The following ADCY2 variants were observed in gnomAD, a reference collection of about 807,000 sequenced individuals.
ADCY2 encodes adenylate cyclase 2, also known as adenylate cyclase type 2.
ADCY2 carries 31 observed loss-of-function variants against 125.2 expected under a neutral mutation model. The observed-to-expected ratio is 0.25, with a 90% confidence interval of 0.19 to 0.33. ADCY2 has a LOEUF of 0.33. Ranked by LOEUF, ADCY2 falls within the 10% of genes least tolerant of loss-of-function variation. The pLI is 1.00. For synonymous variants in ADCY2, 512 were observed against 548.4 expected (o/e 0.93, Z 0.93); for missense variants, 904 against 1,418.2 (o/e 0.64, Z 5.82).
chr5:7,479,118 A>G (rs1051575372), intron 2 of ADCY2, among the ~76,000 whole-genome samples: 4 of 152,148 alleles, frequency 2.6e-5, no homozygotes, highest in African/African-American at 9.7e-5. Context: ...AGATTATTAT[A>G]TACTTGATTC....
intron 2 of ADCY2, among the ~76,000 whole-genome samples, chr5:7,440,707 A>G (rs1176656492): frequency 1.3e-5 from 2 of 152,194 alleles, no homozygotes; most frequent in Non-Finnish European, 2.9e-5. Context: ...TTTCTTAGAG[A>G]TAGGAAAAAC....
rs553403589 is a variant in ADCY2, at chr5:7,627,376, T to G, written c.720+1060T>G. 3.9e-4 allele frequency among the ~76,000 whole-genome samples: 60 copies of G among 152,290 alleles called. 2 individuals carry two copies. In the South Asian group the frequency reaches 0.012, roughly 31 times the overall value. On this transcript the variant is annotated intron_variant, in intron 4 of 24. Coordinates refer to ENST00000338316, the MANE Select transcript of ADCY2 (RefSeq NM_020546.3). The stretch of plus-strand genomic sequence containing the variant: ...GATGGTGGAAAGCAGGCACAACAGA[T>G]GTACATGGAGAAGAAGCCATAGAGG...
chr5:7,735,841 A>G (rs1742233261), intron 14 of ADCY2, among the ~76,000 whole-genome samples: 1 of 152,220 alleles, frequency 6.6e-6, no homozygotes, highest in Admixed American at 6.5e-5. Context: ...GAACGAGTTA[A>G]GAACTGTTCC....
chr5:7,554,308 T>C (rs1735437124), intron 3 of ADCY2, among the ~76,000 whole-genome samples: 1 of 152,234 alleles, frequency 6.6e-6, no homozygotes, highest in Non-Finnish European at 1.5e-5. Context: ...TTCTGAGCAC[T>C]TTTGTCCCAC....
intron 2 of ADCY2, among the ~76,000 whole-genome samples, chr5:7,507,003 G>A (rs1743847820): frequency 6.7e-6 from 1 of 149,070 alleles, no homozygotes; most frequent in South Asian, 2.1e-4. Flanking sequence ...TAGCCAGGAT[G>A]GTCTCGATCT....
At chr5:7,747,716 C>A (rs1374541457) in intron 15 of ADCY2, among the ~76,000 whole-genome samples, 1 of 152,208 alleles carries the variant, frequency 6.6e-6, no homozygotes, top group African/African-American at 2.4e-5. Flanking sequence ...CTTTGCACCA[C>A]CAACTCCTCT....
At chr5:7,463,949 T>C (rs1742015640) in intron 2 of ADCY2, among the ~76,000 whole-genome samples, 1 of 152,198 alleles carries the variant, frequency 6.6e-6, no homozygotes, top group Non-Finnish European at 1.5e-5. Context: ...TGCTGTGTTT[T>C]GGTGCATCTT....
chr5:7,559,366 A>C (rs1315618424), intron 3 of ADCY2, among the ~76,000 whole-genome samples: 1 of 152,090 alleles, frequency 6.6e-6, no homozygotes, highest in Non-Finnish European at 1.5e-5. Flanking sequence ...AGTATTTTGT[A>C]GTTCTCCTTG....
chr5:7,434,014 G>C (rs1740705373), intron 2 of ADCY2, among the ~76,000 whole-genome samples: 1 of 152,040 alleles, frequency 6.6e-6, no homozygotes, highest in South Asian at 2.1e-4. Flanking sequence ...AACTAGTAAA[G>C]TTTTCAAAAA....
intron 2 of ADCY2, among the ~76,000 whole-genome samples, chr5:7,498,894 A>T (rs997308614): frequency 6.6e-6 from 1 of 152,242 alleles, no homozygotes; most frequent in Non-Finnish European, 1.5e-5. Flanking sequence ...AAATGTCACA[A>T]GTATAATGTT....
chr5:7,458,820 G>A (rs546106001), intron 2 of ADCY2, among the ~76,000 whole-genome samples: 62 of 152,254 alleles, frequency 4.1e-4, no homozygotes, highest in African/African-American at 1.5e-3. Flanking sequence ...CAGTTATGTG[G>A]GGTTGACTTT....
intron 3 of ADCY2, among the ~76,000 whole-genome samples, chr5:7,569,987 G>C (rs1334221410): frequency 9.1e-6 from 1 of 109,900 alleles, no homozygotes; most frequent in Non-Finnish European, 2.3e-5. Context: ...AAGTGCAAGG[G>C]ACCTTACATA....
At chr5:7,520,692 A>G in intron 2 of ADCY2, 46 bp from the exon 3 acceptor site, 1 of 1,606,682 alleles carries the variant, frequency 6.2e-7, no homozygotes, top group Non-Finnish European at 8.5e-7. Context: ...GCTCTTAGAA[A>G]CCAGAATATT....
chr5:7,638,905 G>C (rs768374174), intron 4 of ADCY2, among the ~76,000 whole-genome samples: 4 of 152,144 alleles, frequency 2.6e-5, no homozygotes, highest in Non-Finnish European at 4.4e-5. Context: ...AATCATGGGG[G>C]TGGGTCTTTC....
intron 6 of ADCY2, among the ~76,000 whole-genome samples, chr5:7,696,439 A>G (rs2126323469): frequency 6.6e-6 from 1 of 152,330 alleles, no homozygotes; most frequent in African/African-American, 2.4e-5. Context: ...CAGATAGGAA[A>G]TGACCTGAAA....
At chr5:7,424,894 G>A (rs973310172) in intron 2 of ADCY2, among the ~76,000 whole-genome samples, 1 of 152,130 alleles carries the variant, frequency 6.6e-6, no homozygotes, top group Non-Finnish European at 1.5e-5. Context: ...TCTCATCTGG[G>A]TCTGCCCTAG....
intron 24 of ADCY2, among the ~76,000 whole-genome samples, chr5:7,825,919 C>T (rs1171506666): frequency 6.6e-6 from 1 of 152,206 alleles, no homozygotes; most frequent in African/African-American, 2.4e-5. Context: ...CACGGCCATC[C>T]GACCTGCAGG....
At chr5:7,398,972 G>T (rs189626412) in intron 1 of ADCY2, among the ~76,000 whole-genome samples, 57 of 152,338 alleles carry the variant, frequency 3.7e-4, no homozygotes, top group African/African-American at 8.2e-4. Context: ...CTAAGGTAAA[G>T]CTGTGTTCAT....
chr5:7,735,774 ATTTCTACTT>A (rs1260105691), intron 14 of ADCY2, among the ~76,000 whole-genome samples: 1 of 152,140 alleles, frequency 6.6e-6, no homozygotes, highest in Non-Finnish European at 1.5e-5. Flanking sequence ...AGAGATACTG[ATTTCTACTT>A]TTTTTTGTGA....
Sources: gnomAD v4.1 joint callset for allele counts (sites outside exome capture counted in the v4.1 genomes callset) on GRCh38, gnomAD v4.1.1 for gene constraint, MANE v1.5 for transcripts, NCBI Gene and HGNC (gene_info 2026-07-23, HGNC 2026-07-21) for gene names.